SOX6: variants seen among roughly 807,000 people sequenced by gnomAD.
The protein encoded by SOX6 is SRY-box transcription factor 6, also known as transcription factor SOX-6.
A neutral mutation model predicts 97.8 loss-of-function variants in SOX6; 11 were observed. The ratio of observed to expected loss-of-function variants is 0.11; its 90% CI spans 0.07 to 0.19. The LOEUF is 0.19. Among genes scored for constraint, SOX6 ranks in the 10% least tolerant of loss-of-function variants. The probability of loss-of-function intolerance (pLI) is 1.00; values close to 1 mark genes in which losing one functional copy is unlikely to be tolerated. For synonymous variants in SOX6, 360 were observed against 371.4 expected, an observed-to-expected ratio of 0.97 and a Z score of 0.35; for missense variants, 810 against 1,039.5, an observed-to-expected ratio of 0.78 and a Z score of 3.04.
chr11:16,249,347 G>T (rs1405922526), intron 3 of SOX6, among the ~76,000 whole-genome samples: 1 of 152,138 alleles, frequency 6.6e-6, no homozygotes. Context: ...GGGACAAAGT[G>T]CTGCCAGTCT....
At chr11:16,130,021 T>C (rs766995827) in intron 6 of SOX6, among the ~76,000 whole-genome samples, 3 of 152,158 alleles carry the variant, frequency 2.0e-5, no homozygotes, top group Non-Finnish European at 4.4e-5. Flanking sequence ...ATTTATTTTA[T>C]CTGCAAAAAA....
At chr11:16,514,164 C>T (rs145304149) in intron 4 of SOX6, among the ~76,000 whole-genome samples, 4 of 145,974 alleles carry the variant, frequency 2.7e-5, no homozygotes, top group African/African-American at 5.1e-5. Flanking sequence ...TGCAGTGAGC[C>T]GGGATCATAA....
At chr11:16,358,877 G>A (rs1218510274), upstream of SOX6, among the ~76,000 whole-genome samples, 1 of 152,124 alleles carries the variant, frequency 6.6e-6, no homozygotes, top group East Asian at 1.9e-4. Flanking sequence ...AACCAGAGAA[G>A]TTGCCAGTTC....
Position 16,428,812 on chromosome 11 carries a change from C to G in SOX6, c.-5+47503G>C, listed in dbSNP as rs899940655. Among the ~76,000 whole-genome samples, 3 of 152,084 alleles carry G rather than the reference C, an allele frequency of 2.0e-5. 1 individual carries two copies. The highest frequency in any genetic ancestry group is 1.3e-4 in the Admixed American group (2 of 15,270). The stretch of plus-strand genomic sequence containing the variant: ...TAGGATTGACTTGGAAATGCAGGCT[C>G]TTTTTTGGTTCCATATGAGCTTTAA... On this transcript the variant is annotated intron_variant, in intron 1 of 15. Coordinates refer to the SOX6 transcript ENST00000396356.
In SOX6 at chr11:16,132,405, GAA is replaced by G. The variant is rs1248010884; in HGVS notation, c.778-20484_778-20483del. 7.5e-3 allele frequency among the ~76,000 whole-genome samples: 355 copies of G among 47,608 alleles called. 37 individuals carry two copies. The East Asian group carries it at 0.11, about 15-fold the overall frequency. The allele number at this position is 47,608 out of a possible 152,430, so 31.2% of individuals were successfully genotyped here. ...AAGAAAGAAAGAAAGAAAGAAAAAA[GAA>G]AGAAAGAAAGAAAGAAAGAAAGAAA... On this transcript the variant is annotated intron_variant, in intron 6 of 15. Transcript: ENST00000683767.
chr11:16,044,267 A>C (rs895394306), intron 12 of SOX6, among the ~76,000 whole-genome samples: 5 of 152,122 alleles, frequency 3.3e-5, no homozygotes, highest in African/African-American at 1.2e-4. Flanking sequence ...ATGCTTAATA[A>C]ATTATAAGGT....
At chr11:16,154,430 T>A (rs1850544342) in intron 6 of SOX6, among the ~76,000 whole-genome samples, 1 of 152,140 alleles carries the variant, frequency 6.6e-6, no homozygotes, top group East Asian at 1.9e-4. Flanking sequence ...AGTATTCTTT[T>A]TACCATATTA....
intron 4 of SOX6, among the ~76,000 whole-genome samples, chr11:16,591,501 T>C (rs952715178): frequency 1.3e-5 from 2 of 152,166 alleles, no homozygotes; most frequent in African/African-American, 4.8e-5. Flanking sequence ...AACAGATTTA[T>C]GTTATGAAAG....
At chr11:16,416,318 A>G (rs1858926067) in intron 1 of SOX6, among the ~76,000 whole-genome samples, 1 of 152,226 alleles carries the variant, frequency 6.6e-6, no homozygotes, top group Non-Finnish European at 1.5e-5. Flanking sequence ...CAAGGAAAAT[A>G]TAAAACAACA....
At chr11:16,694,398 C>T (rs762372298) in intron 3 of SOX6, among the ~76,000 whole-genome samples, 45 of 152,122 alleles carry the variant, frequency 3.0e-4, no homozygotes, top group Non-Finnish European at 5.9e-4. Context: ...TGGTGCATAC[C>T]TGTAGCCCCA....
intron 6 of SOX6, among the ~76,000 whole-genome samples, chr11:16,133,200 G>A (rs970809440): frequency 6.6e-6 from 1 of 152,168 alleles, no homozygotes; most frequent in Non-Finnish European, 1.5e-5. Context: ...CTAAACAAAT[G>A]GGGCACACCC....
At chr11:16,477,599 C>G (rs1315974955), upstream of SOX6, among the ~76,000 whole-genome samples, 1 of 152,062 alleles carries the variant, frequency 6.6e-6, no homozygotes, top group Admixed American at 6.5e-5. Context: ...GCCTGTAATC[C>G]CAACAGTTTG....
chr11:16,268,738 T>C (rs1377156430), intron 3 of SOX6, among the ~76,000 whole-genome samples: 1 of 151,206 alleles, frequency 6.6e-6, no homozygotes, highest in African/African-American at 2.4e-5. Flanking sequence ...GAATTGTCTA[T>C]CCATGTCCTT....
rs568528321 is a variant in SOX6, at chr11:16,109,476, A to G, written c.898+2327T>C. On this transcript the variant is annotated intron_variant, in intron 7 of 15. Coordinates refer to ENST00000683767, the MANE Select transcript of SOX6 (RefSeq NM_001367873.1). ...CTCAGCCTCCCAACGTGCTGGGATT[A>G]CAGGCATGAGCCACCACACCCAGCC... Among the ~76,000 whole-genome samples the G allele has an allele frequency of 7.9e-5, 12 of 152,236 alleles. No homozygotes were observed. In the South Asian group the frequency reaches 2.5e-3, roughly 32 times the overall value.
chr11:16,730,831 C>G (rs1848344192), intron 2 of SOX6, among the ~76,000 whole-genome samples: 1 of 151,952 alleles, frequency 6.6e-6, no homozygotes, highest in South Asian at 2.1e-4. Context: ...AAAAGATCAA[C>G]AAAACAGATA....
intron 15 of SOX6, among the ~76,000 whole-genome samples, chr11:15,973,899 C>A (rs991924521): frequency 1.3e-5 from 2 of 152,162 alleles, no homozygotes. Context: ...CTAGTTTAAA[C>A]AAACTTAACA....
chr11:16,479,104 C>G (rs1163830033), upstream of SOX6, among the ~76,000 whole-genome samples: 1 of 152,124 alleles, frequency 6.6e-6, no homozygotes, highest in African/African-American at 2.4e-5. Context: ...AATCAATAAT[C>G]CAACCTGGGT....
chr11:16,629,844 T>C (rs968495251), intron 3 of SOX6, among the ~76,000 whole-genome samples: 1 of 152,204 alleles, frequency 6.6e-6, no homozygotes, highest in African/African-American at 2.4e-5. Context: ...GTGTTTCTGG[T>C]AATTTATCAA....
At chr11:16,089,184 C>T (rs1454438031) in intron 9 of SOX6, among the ~76,000 whole-genome samples, 1 of 152,102 alleles carries the variant, frequency 6.6e-6, no homozygotes, top group Admixed American at 6.6e-5. Flanking sequence ...ATTTATTTGG[C>T]TCTAACTTGG....
Sources: gnomAD v4.1 joint callset for allele counts (sites outside exome capture counted in the v4.1 genomes callset) on GRCh38, gnomAD v4.1.1 for gene constraint, MANE v1.5 for transcripts, NCBI Gene and HGNC (gene_info 2026-07-23, HGNC 2026-07-21) for gene names.